DAPK2: variants seen among roughly 807,000 people sequenced by gnomAD.
DAPK2 encodes death associated protein kinase 2.
In DAPK2, 35 loss-of-function variants were observed where a neutral mutation model predicts 44.1. The ratio of observed to expected loss-of-function variants is 0.79; its 90% CI spans 0.61 to 1.05. The LOEUF is 1.05. Among genes scored for constraint, DAPK2 ranks in the 50% least tolerant of loss-of-function variants. The pLI is 0.00. For missense variants in DAPK2, 453 were observed against 483.2 expected (o/e 0.94, Z 0.59); for synonymous variants, 174 against 182.6 (o/e 0.95, Z 0.38).
chr15:64,030,979 TACACACAC>T (rs71131201), intron 1 of DAPK2, among the ~76,000 whole-genome samples: 34 of 140,286 alleles, frequency 2.4e-4, no homozygotes, highest in Admixed American at 3.6e-4. Context: ...AATACACACA[TACACACAC>T]ACACACACAC....
At chr15:64,039,975 T>G (rs1329562441) in intron 1 of DAPK2, among the ~76,000 whole-genome samples, 195 bp downstream of exon 2, 1 of 152,206 alleles carries the variant, frequency 6.6e-6, no homozygotes, top group Admixed American at 6.5e-5. Flanking sequence ...CTCATCCCTT[T>G]TACTGGCAAG....
chr15:63,961,293 T>C (rs1447454500), intron 3 of DAPK2, among the ~76,000 whole-genome samples: 1 of 152,232 alleles, frequency 6.6e-6, no homozygotes, highest in African/African-American at 2.4e-5. Flanking sequence ...CTTGACTCTA[T>C]CCAATTTGCC....
intron 1 of DAPK2, among the ~76,000 whole-genome samples, chr15:64,036,319 G>A (rs425861): frequency 0.23 from 12,797 of 55,008 alleles, 1,598 homozygotes; most frequent in African/African-American, 0.24. Context: ...GTATATATAT[G>A]TATATATATA....
chr15:64,026,270 C>T (rs1352772383), intron 1 of DAPK2, among the ~76,000 whole-genome samples: 3 of 151,842 alleles, frequency 2.0e-5, no homozygotes, highest in African/African-American at 7.3e-5. Flanking sequence ...TTAAGGCAGT[C>T]TCTCATTCTG....
chr15:63,945,825 AT>A (rs1416951962), intron 3 of DAPK2, among the ~76,000 whole-genome samples: 1 of 152,142 alleles, frequency 6.6e-6, no homozygotes, highest in Non-Finnish European at 1.5e-5. Context: ...GGCTGTGAAA[AT>A]TCCTACTGCT....
rs547127990 is a variant in DAPK2 at position 63,947,471 on chromosome 15, C to G, written c.454-8110G>C. Among the ~76,000 whole-genome samples, 74 of 152,332 alleles carry G rather than the reference C, an allele frequency of 4.9e-4. 1 individual carries two copies. Among genetic ancestry groups the G allele is most frequent in the Middle Eastern group, 3.4e-3 (1 of 294 alleles). ...GGCCAATGCGGTCACATATGCATCT[C>G]TCACACATCCTGCTTTTGGAGAATA... On this transcript the variant is annotated intron_variant, in intron 3 of 10. Coordinates refer to ENST00000261891, the Ensembl canonical transcript of DAPK2.
At chr15:63,921,851 CAG>C (rs1187633617) in intron 8 of DAPK2, 2 of 152,170 alleles carry the variant, frequency 1.3e-5, no homozygotes, top group African/African-American at 4.8e-5. Flanking sequence ...GGTCTTCAGA[CAG>C]AGACAGGGAT....
At chr15:63,940,767 C>G (rs1259440193) in intron 3 of DAPK2, among the ~76,000 whole-genome samples, 2 of 151,862 alleles carry the variant, frequency 1.3e-5, no homozygotes, top group Non-Finnish European at 1.5e-5. Context: ...GAATGAAGTA[C>G]TGATACCTGC....
intron 4 of DAPK2, among the ~76,000 whole-genome samples, chr15:63,931,374 G>A (rs1057506235): frequency 6.6e-6 from 1 of 152,116 alleles, no homozygotes. Flanking sequence ...AAAGTACACC[G>A]AACACCTGAA....
intron 3 of DAPK2, among the ~76,000 whole-genome samples, chr15:63,944,859 C>A (rs2077408268): frequency 6.6e-6 from 1 of 152,142 alleles, no homozygotes; most frequent in African/African-American, 2.4e-5. Context: ...CTCTTTCCAG[C>A]CTCACCACCC....
rs1249255935 is a variant in DAPK2 at position 64,020,741 on chromosome 15, T to C, written c.92+19429A>G. On this transcript the variant is annotated intron_variant, in intron 1 of 10. Transcript: ENST00000261891. This position sits in a 1 kb window ranked among gnomAD's most constrained non-coding sequence, Gnocchi z 4.5. ...AGCAGGCCTCTAAAGAAAGTCCCTG[T>C]TCCCAAAAGCACCTCAGGTACTAGA... 6.6e-6 allele frequency among the ~76,000 whole-genome samples: 1 copy of C among 152,194 alleles called. No homozygotes were observed. Among genetic ancestry groups the C allele is most frequent in the African/African-American group, 2.4e-5 (1 of 41,444 alleles).
chr15:63,929,483 CCT>C (rs902391604), intron 6 of DAPK2, 66 bp downstream of exon 7: 1 of 1,594,798 alleles, frequency 6.3e-7, no homozygotes, highest in African/African-American at 1.3e-5. Flanking sequence ...TCAGCCTGCC[CCT>C]CTCTCATTCC....
chr15:64,045,736 G>T (rs1567295386), intron 1 of DAPK2, among the ~76,000 whole-genome samples: 1 of 152,186 alleles, frequency 6.6e-6, no homozygotes, highest in South Asian at 2.1e-4. Flanking sequence ...TGTTGGCAAC[G>T]CCCTTCCAAG....
chr15:63,976,647 G>C (rs1355922884), intron 2 of DAPK2, among the ~76,000 whole-genome samples: 1 of 152,160 alleles, frequency 6.6e-6, no homozygotes, highest in Non-Finnish European at 1.5e-5. Flanking sequence ...CGAGGCTGTA[G>C]TGAGCCGTGA....
At chr15:63,929,327 G>A (rs1415241659) in intron 6 of DAPK2, among the ~76,000 whole-genome samples, 1 of 152,210 alleles carries the variant, frequency 6.6e-6, no homozygotes, top group Non-Finnish European at 1.5e-5. Flanking sequence ...GCAGAGTGGA[G>A]AGCCTGAGGC....
At chr15:63,952,789 C>G (rs766225226) in intron 3 of DAPK2, among the ~76,000 whole-genome samples, 1 of 152,050 alleles carries the variant, frequency 6.6e-6, no homozygotes, top group Admixed American at 6.6e-5. Context: ...AGCATTTACC[C>G]TTTGTGTTAC....
intron 1 of DAPK2, among the ~76,000 whole-genome samples, chr15:64,006,036 C>CAA (rs35338084): frequency 2.3e-3 from 214 of 92,786 alleles, no homozygotes; most frequent in Middle Eastern, 0.014. Flanking sequence ...GATCCTGACT[C>CAA]AAAAAAAAAA....
chr15:63,955,619 AGTGAAATGGG>A (rs1401744455), intron 3 of DAPK2, among the ~76,000 whole-genome samples: 5 of 152,090 alleles, frequency 3.3e-5, no homozygotes, highest in African/African-American at 9.7e-5. Context: ...CCGAGGCTGG[AGTGAAATGGG>A]GTGATCATGG....
chr15:63,923,426 C>T lies in DAPK2; in HGVS notation c.858+1390G>A, dbSNP rs1185939965. The stretch of plus-strand genomic sequence containing the variant: ...CAGTCCAAAGGGTAGGCAGAAGGCA[C>T]ACAAGCGGCCTCTGGCATTCACTGC... On this transcript the variant is annotated intron_variant, in intron 8 of 10. Transcript: ENST00000261891. This position sits in a 1 kb window ranked among gnomAD's most constrained non-coding sequence, Gnocchi z 4.2. 6.8e-7 allele frequency: 1 copy of T among 1,475,904 alleles called. No individual in the cohort carries two copies. The highest frequency in any genetic ancestry group is 9.0e-7 in the Non-Finnish European group (1 of 1,116,764). The allele number at this position is 1,475,904 out of a possible 1,614,324, so 91.4% of individuals were successfully genotyped here.
Sources: gnomAD v4.1 joint callset for allele counts (sites outside exome capture counted in the v4.1 genomes callset) on GRCh38, gnomAD v4.1.1 for gene constraint, Gnocchi (gnomAD v3.1) non-coding constraint, MANE v1.5 for transcripts, NCBI Gene and HGNC (gene_info 2026-07-23, HGNC 2026-07-21) for gene names.